SEMA5B: variants seen among roughly 807,000 people sequenced by gnomAD.
SEMA5B encodes the protein semaphorin-5B.
In SEMA5B, 66 loss-of-function variants were observed where a neutral mutation model predicts 135.0. That is an observed-to-expected ratio of 0.49 (90% CI 0.40 to 0.60). SEMA5B has a LOEUF of 0.60. Among genes scored for constraint, SEMA5B ranks in the 20% least tolerant of loss-of-function variants. The pLI, the probability that SEMA5B is intolerant of heterozygous loss-of-function variation, is 0.00. For missense variants in SEMA5B, 1,501 were observed against 1,566.3 expected (o/e 0.96, Z 0.70); for synonymous variants, 690 against 639.5 (o/e 1.08, Z -1.19).
At chr3:122,954,400 C>T (rs888498114) in intron 2 of SEMA5B, among the ~76,000 whole-genome samples, 1 of 152,236 alleles carries the variant, frequency 6.6e-6, no homozygotes, top group Non-Finnish European at 1.5e-5. Flanking sequence ...TAAAATTTCC[C>T]GTTTTTACTT....
At chr3:122,976,261 TC>T in intron 1 of SEMA5B, 33 of 1,136,130 alleles carry the variant, frequency 2.9e-5, no homozygotes, top group Non-Finnish European at 4.0e-5. Context: ...TTCTCAGGCC[TC>T]ACCCCAGACC....
chr3:122,912,012 CGGCTCTG>C lies in SEMA5B; in HGVS notation c.2947_2953del (p.Gln983GlufsTer67). 6.2e-7 allele frequency: 1 copy of C among 1,613,754 alleles called. No individual in the cohort carries two copies. Among genetic ancestry groups the C allele is most frequent in the Non-Finnish European group, 8.5e-7 (1 of 1,179,822 alleles). On this transcript the variant is annotated frameshift_variant, in exon 20 of 23. Coordinates refer to ENST00000357599, the MANE Select transcript of SEMA5B (RefSeq NM_001031702.4). LOFTEE classifies it high-confidence loss of function. ...GAGGAGCTCCTCACAGTGCCGGCTT[CGGCTCTG>C]GGCTCCGTCGTCAGTGCACTTACTC... is the stretch of plus-strand genomic sequence containing the variant.
rs371526341 is a variant in SEMA5B, at chr3:122,939,395, T to C, written c.474+30A>G. ...TTGGGCTCTGGAATAGGGGAAATTA[T>C]AGGAAGGGAAGGGAAGAAAGCAATC... On this transcript the variant is annotated intron_variant, in intron 5 of 22. Coordinates refer to ENST00000357599, the MANE Select transcript of SEMA5B (RefSeq NM_001031702.4). The C allele has an allele frequency of 6.4e-6, 10 of 1,574,120 alleles. No individual in the cohort carries two copies. In the African/African-American group the frequency reaches 1.1e-4, roughly 17 times the overall value.
intron 1 of SEMA5B, among the ~76,000 whole-genome samples, chr3:122,976,459 C>T (rs1410615233): frequency 6.6e-6 from 1 of 152,218 alleles, no homozygotes; most frequent in East Asian, 1.9e-4. Context: ...AAAAATACAG[C>T]TGGTTGGGCC....
chr3:123,005,171 C>T (rs1399940084), intron 1 of SEMA5B, among the ~76,000 whole-genome samples: 4 of 152,156 alleles, frequency 2.6e-5, no homozygotes, highest in Admixed American at 2.6e-4. Flanking sequence ...CCCCTACACA[C>T]CCTCTTCCTG....
intron 1 of SEMA5B, among the ~76,000 whole-genome samples, chr3:123,014,457 AT>A (rs1447823009): frequency 2.0e-5 from 3 of 152,248 alleles, no homozygotes; most frequent in African/African-American, 7.2e-5. Context: ...TCATGAAATC[AT>A]TGTGTATAAG....
chr3:122,924,469 GT>G (rs1938524546), intron 9 of SEMA5B, among the ~76,000 whole-genome samples: 1 of 152,186 alleles, frequency 6.6e-6, no homozygotes, highest in Admixed American at 6.5e-5. Flanking sequence ...AGCCTGTCTA[GT>G]ATCCTAATCC....
intron 1 of SEMA5B, among the ~76,000 whole-genome samples, chr3:123,006,307 G>A (rs1942308888): frequency 6.6e-6 from 1 of 152,182 alleles, no homozygotes; most frequent in African/African-American, 2.4e-5. Context: ...TGAAGAAAGA[G>A]AGAGAAAAGA....
intron 2 of SEMA5B, among the ~76,000 whole-genome samples, chr3:122,960,168 C>A (rs1940512727): frequency 6.6e-6 from 1 of 152,204 alleles, no homozygotes; most frequent in Non-Finnish European, 1.5e-5. Flanking sequence ...ATTTCCAGCA[C>A]CAATTCAGTT....
At chr3:123,023,420 A>T (rs2107839908) in intron 1 of SEMA5B, among the ~76,000 whole-genome samples, 1 of 152,228 alleles carries the variant, frequency 6.6e-6, no homozygotes, top group Non-Finnish European at 1.5e-5. Context: ...CCCAGAACCC[A>T]CTGGGGTTTA....
rs1576336625 is a variant in SEMA5B at position 122,922,555 on chromosome 3, T to G, written c.1273-108A>C. ...AGGTGGCCACAGCAGCGGACGCTGA[T>G]TCTCCAGCACCCCCCACCCCTAGCA... On this transcript the variant is annotated intron_variant, in intron 10 of 22. Coordinates refer to ENST00000357599, the MANE Select transcript of SEMA5B (RefSeq NM_001031702.4). 6 of 1,003,118 alleles carry G rather than the reference T, an allele frequency of 6.0e-6. No individual in the cohort carries two copies. In the East Asian group the frequency reaches 1.6e-4, roughly 26 times the overall value. The allele number at this position is 1,003,118 out of a possible 1,614,324, so 62.1% of individuals were successfully genotyped here. A position where few individuals can be genotyped will look rare whatever the true frequency, so the allele number is the denominator to read the frequency against.
At chr3:123,004,844 A>G (rs1942266841) in intron 1 of SEMA5B, among the ~76,000 whole-genome samples, 1 of 152,196 alleles carries the variant, frequency 6.6e-6, no homozygotes, top group Non-Finnish European at 1.5e-5. Flanking sequence ...TGGACCTATC[A>G]AATCTGAATC....
At chr3:122,948,733 A>G in intron 2 of SEMA5B, 24 bp from the exon 3 acceptor site, 1 of 1,558,350 alleles carries the variant, frequency 6.4e-7, no homozygotes, top group Non-Finnish European at 8.7e-7. Flanking sequence ...ACTCAGTCTC[A>G]CCAAGCGCTC....
chr3:122,926,733 CAG>C (rs1212482742), intron 8 of SEMA5B, 56 bp from the exon 9 acceptor site: 8 of 1,581,606 alleles, frequency 5.1e-6, no homozygotes, highest in Non-Finnish European at 6.9e-6. Context: ...AAGAAGATGG[CAG>C]AGTCGGGAGG....
chr3:123,005,975 G>T (rs1942299320), intron 1 of SEMA5B, among the ~76,000 whole-genome samples: 1 of 152,214 alleles, frequency 6.6e-6, no homozygotes, highest in East Asian at 1.9e-4. Flanking sequence ...CTTTGGAGCT[G>T]TTCTGCAACC....
chr3:122,942,353 T>A (rs1399303353), intron 4 of SEMA5B, among the ~76,000 whole-genome samples: 4 of 152,070 alleles, frequency 2.6e-5, no homozygotes, highest in African/African-American at 9.7e-5. Context: ...GTGGAGACAC[T>A]AAAGAAAGCT....
At chr3:122,928,749 C>G (rs1003152134) in intron 6 of SEMA5B, 134 bp from the exon 7 acceptor site, 5 of 770,286 alleles carry the variant, frequency 6.5e-6, no homozygotes, top group Non-Finnish European at 1.1e-5. Context: ...CCACCTGTCC[C>G]GACGTCCGGG....
intron 12 of SEMA5B, among the ~76,000 whole-genome samples, chr3:122,919,101 A>G (rs1446459807): frequency 1.3e-5 from 2 of 148,730 alleles, no homozygotes; most frequent in African/African-American, 5.0e-5. Flanking sequence ...GGATGGTGGA[A>G]GTTGCAGGCA....
chr3:122,968,559 C>G (rs1940972514), intron 1 of SEMA5B, among the ~76,000 whole-genome samples: 1 of 152,110 alleles, frequency 6.6e-6, no homozygotes, highest in Admixed American at 6.5e-5. Context: ...ACTCCAACGC[C>G]CGCCCCAACA....
Sources: gnomAD v4.1 joint callset for allele counts (sites outside exome capture counted in the v4.1 genomes callset) on GRCh38, gnomAD v4.1.1 for gene constraint, MANE v1.5 for transcripts, NCBI Gene and HGNC (gene_info 2026-07-23, HGNC 2026-07-21) for gene names.